SLCO6A1: variants seen among roughly 807,000 people sequenced by gnomAD.
The protein encoded by SLCO6A1 is solute carrier organic anion transporter family member 6A1.
SLCO6A1 carries 65 observed loss-of-function variants against 72.7 expected under a neutral mutation model. That is an observed-to-expected ratio of 0.89 (90% confidence interval 0.73 to 1.10). SLCO6A1 has a LOEUF of 1.10. Ranked by LOEUF, SLCO6A1 falls within the 50% of genes least tolerant of loss-of-function variation. The pLI, the probability that SLCO6A1 is intolerant of heterozygous loss-of-function variation, is 0.00. For missense variants in SLCO6A1, 874 were observed against 872.6 expected, an observed-to-expected ratio of 1.00 and a Z score of -0.02; for synonymous variants, 314 against 298.2, an observed-to-expected ratio of 1.05 and a Z score of -0.55.
In SLCO6A1 at chr5:102,417,993, C is replaced by CAA. The variant is rs11390780; in HGVS notation, c.1472+1831_1472+1832dup. 3.0e-3 allele frequency among the ~76,000 whole-genome samples: 449 copies of CAA among 147,662 alleles called. 3 individuals are homozygous for CAA. The highest frequency in any genetic ancestry group is 8.7e-3 in the African/African-American group (352 of 40,352). On this transcript the variant is annotated intron_variant, in intron 8 of 13. Transcript: ENST00000506729. ...TTGGGTGACAAGAGCGAAACTCCGT[C>CAA]AAAAAAAAAAAATTACTTACTTTTT...
At chr5:102,443,516 T>C (rs956012657) in intron 6 of SLCO6A1, among the ~76,000 whole-genome samples, 3 of 152,184 alleles carry the variant, frequency 2.0e-5, no homozygotes, top group African/African-American at 7.2e-5. Flanking sequence ...TGTTCTCAAA[T>C]TAGGACATTT....
intron 12 of SLCO6A1, among the ~76,000 whole-genome samples, chr5:102,388,466 T>C (rs1746539575): frequency 6.6e-6 from 1 of 152,158 alleles, no homozygotes; most frequent in Non-Finnish European, 1.5e-5. Flanking sequence ...GCCTTCTGAA[T>C]AGCTGGGACT....
intron 4 of SLCO6A1, among the ~76,000 whole-genome samples, chr5:102,473,949 T>C (rs552548797): frequency 6.6e-5 from 10 of 152,080 alleles, no homozygotes; most frequent in African/African-American, 2.4e-4. Flanking sequence ...TGTTTATGGA[T>C]TGAACATGAT....
chr5:102,401,800 T>C (rs1747412661), intron 9 of SLCO6A1, among the ~76,000 whole-genome samples: 1 of 152,148 alleles, frequency 6.6e-6, no homozygotes, highest in African/African-American at 2.4e-5. Context: ...CCTGATTTCC[T>C]ATTAGGACTC....
At chr5:102,482,295 G>A (rs866318725) in intron 1 of SLCO6A1, among the ~76,000 whole-genome samples, 5 of 151,874 alleles carry the variant, frequency 3.3e-5, no homozygotes, top group South Asian at 2.1e-4. Flanking sequence ...ATATATACAC[G>A]CAAATGTACA....
At chr5:102,414,474 C>T (rs1377028655) in intron 8 of SLCO6A1, among the ~76,000 whole-genome samples, 1 of 151,968 alleles carries the variant, frequency 6.6e-6, no homozygotes, top group African/African-American at 2.4e-5. Flanking sequence ...CAATCTTAGG[C>T]CTAGAAAAAC....
At chr5:102,448,923 G>A (rs1750262996) in intron 6 of SLCO6A1, among the ~76,000 whole-genome samples, 1 of 151,892 alleles carries the variant, frequency 6.6e-6, no homozygotes, top group African/African-American at 2.4e-5. Context: ...GTGGTTAGCT[G>A]GTTGTTATGT....
chr5:102,375,552 T>A (rs1745735975), intron 12 of SLCO6A1, among the ~76,000 whole-genome samples: 1 of 152,066 alleles, frequency 6.6e-6, no homozygotes, highest in Non-Finnish European at 1.5e-5. Context: ...CCATTAAAAG[T>A]GAAAGCAGTC....
intron 2 of SLCO6A1, among the ~76,000 whole-genome samples, chr5:102,479,684 A>G (rs1752087722): frequency 6.6e-6 from 1 of 152,056 alleles, no homozygotes; most frequent in Non-Finnish European, 1.5e-5. Flanking sequence ...ATGCAAAACC[A>G]TGGTAAAACT....
At chr5:102,374,292 C>T (rs1745655712) in intron 12 of SLCO6A1, among the ~76,000 whole-genome samples, 1 of 152,168 alleles carries the variant, frequency 6.6e-6, no homozygotes, top group South Asian at 2.1e-4. Context: ...AGACAGGAGC[C>T]ACCACCATGC....
At chr5:102,391,124 C>A in intron 10 of SLCO6A1, 79 bp from the exon 11 acceptor site, 2 of 1,359,286 alleles carry the variant, frequency 1.5e-6, no homozygotes, top group African/African-American at 1.5e-5. Context: ...CAAGGCTAAT[C>A]ATTTTTTTTT....
At chr5:102,491,200 G>A (rs1365834142) in intron 1 of SLCO6A1, among the ~76,000 whole-genome samples, 1 of 152,186 alleles carries the variant, frequency 6.6e-6, no homozygotes, top group Non-Finnish European at 1.5e-5. Flanking sequence ...GCTAGACCCA[G>A]GGTGCTGATT....
At chr5:102,430,025 G>A (rs1356187658) in intron 7 of SLCO6A1, among the ~76,000 whole-genome samples, 1 of 149,950 alleles carries the variant, frequency 6.7e-6, no homozygotes, top group African/African-American at 2.4e-5. Flanking sequence ...TAAATTCCCG[G>A]GTTAGCTGCA....
intron 1 of SLCO6A1, among the ~76,000 whole-genome samples, chr5:102,486,676 T>C (rs944545595): frequency 9.2e-5 from 14 of 152,156 alleles, no homozygotes; most frequent in Non-Finnish European, 1.8e-4. Context: ...TTAAATATTA[T>C]ATTTTCTTAG....
intron 9 of SLCO6A1, among the ~76,000 whole-genome samples, chr5:102,410,285 G>A (rs906969265): frequency 6.6e-6 from 1 of 152,096 alleles, no homozygotes; most frequent in Non-Finnish European, 1.5e-5. Flanking sequence ...TCTAAGCAGA[G>A]AGGGTAGCTC....
intron 6 of SLCO6A1, among the ~76,000 whole-genome samples, chr5:102,446,541 C>A (rs923112486): frequency 6.6e-6 from 1 of 152,118 alleles, no homozygotes; most frequent in African/African-American, 2.4e-5. Context: ...TTCCTCTCTT[C>A]CTATTTGGAT....
chr5:102,397,847 A>C (rs143995168), intron 10 of SLCO6A1, among the ~76,000 whole-genome samples: 26 of 152,198 alleles, frequency 1.7e-4, no homozygotes, highest in Non-Finnish European at 3.2e-4. Flanking sequence ...TCTATGTCAT[A>C]ATTGTACTGA....
At chr5:102,475,135 C>A (rs1230763858) in intron 4 of SLCO6A1, among the ~76,000 whole-genome samples, 2 of 151,836 alleles carry the variant, frequency 1.3e-5, no homozygotes, top group Non-Finnish European at 2.9e-5. Context: ...TATTTGTACA[C>A]CTGTATTAAT....
intron 6 of SLCO6A1, among the ~76,000 whole-genome samples, chr5:102,440,625 C>G (rs1749783729): frequency 6.6e-6 from 1 of 152,152 alleles, no homozygotes; most frequent in African/African-American, 2.4e-5. Flanking sequence ...CAAAACTGGT[C>G]CCTGGTGTCA....
Sources: gnomAD v4.1 joint callset for allele counts (sites outside exome capture counted in the v4.1 genomes callset) on GRCh38, gnomAD v4.1.1 for gene constraint, MANE v1.5 for transcripts, NCBI Gene and HGNC (gene_info 2026-07-23, HGNC 2026-07-21) for gene names.